Variants in CNTN5 observed in about 807,000 individuals in gnomAD.
The protein encoded by CNTN5 is contactin 5, also known as contactin-5.
A neutral mutation model predicts 129.1 loss-of-function variants in CNTN5; 77 were observed. The ratio of observed to expected loss-of-function variants is 0.60; its 90% CI spans 0.50 to 0.72. The LOEUF (loss-of-function observed/expected upper bound fraction) is 0.72. Among genes scored for constraint, CNTN5 ranks in the 30% least tolerant of loss-of-function variants. CNTN5 has a pLI of 0.00. For synonymous variants in CNTN5, 509 were observed against 465.6 expected (o/e 1.09, Z -1.20); for missense variants, 1,478 against 1,328.8 (o/e 1.11, Z -1.75).
intron 2 of CNTN5, among the ~76,000 whole-genome samples, chr11:99,455,718 G>A (rs1044925107): frequency 1.3e-5 from 2 of 152,036 alleles, no homozygotes; most frequent in Non-Finnish European, 2.9e-5. Flanking sequence ...GGAATTGTAT[G>A]AGAATGGGGA....
At chr11:100,353,385 T>G (rs1236486337) in intron 24 of CNTN5, among the ~76,000 whole-genome samples, 1 of 151,656 alleles carries the variant, frequency 6.6e-6, no homozygotes, top group Non-Finnish European at 1.5e-5. Flanking sequence ...GGCAAGAACT[T>G]AGTCTAATGT....
At chr11:99,585,003 C>A (rs1363593454) in intron 3 of CNTN5, among the ~76,000 whole-genome samples, 1 of 152,194 alleles carries the variant, frequency 6.6e-6, no homozygotes, top group African/African-American at 2.4e-5. Context: ...TTGTATCCAA[C>A]TTCATGAGCT....
intron 3 of CNTN5, among the ~76,000 whole-genome samples, chr11:99,696,625 C>CT (rs530528826): frequency 0.028 from 4,021 of 142,004 alleles, 150 homozygotes; most frequent in African/African-American, 0.091. Context: ...AGTAGTCATT[C>CT]TTTTTTTTTT....
At chr11:99,982,030 G>A (rs548403286) in intron 8 of CNTN5, among the ~76,000 whole-genome samples, 1 of 152,318 alleles carries the variant, frequency 6.6e-6, no homozygotes, top group Non-Finnish European at 1.5e-5. Flanking sequence ...ATTATATACA[G>A]CTAAACATAA....
At chr11:99,107,203 A>G (rs1193267949) in intron 1 of CNTN5, among the ~76,000 whole-genome samples, 1 of 152,178 alleles carries the variant, frequency 6.6e-6, no homozygotes, top group Admixed American at 6.5e-5. Context: ...TAGAAGAGAA[A>G]TATGTTACAA....
intron 6 of CNTN5, among the ~76,000 whole-genome samples, chr11:99,872,456 G>A (rs1948527494): frequency 1.3e-5 from 2 of 152,128 alleles, no homozygotes; most frequent in Admixed American, 1.3e-4. Context: ...AAACACCTAT[G>A]TGGAAGGAAG....
chr11:100,328,703 A>G (rs1248010135), intron 21 of CNTN5, among the ~76,000 whole-genome samples: 3 of 152,174 alleles, frequency 2.0e-5, no homozygotes, highest in Non-Finnish European at 4.4e-5. Flanking sequence ...CAAATTGGGG[A>G]TTACAATTTG....
At position 99,733,651 on chromosome 11, in the gene CNTN5, TA is replaced by T. The variant is rs1260452947; in HGVS notation, c.56-85892del. ...TTGTTTTTAAAGATGCAAGGTGCTG[TA>T]GTTGTATTGAACCTGTGAGAATCAA... On this transcript the variant is annotated intron_variant, in intron 3 of 24. Coordinates refer to ENST00000524871, the MANE Select transcript of CNTN5 (RefSeq NM_014361.4). Among the ~76,000 whole-genome samples, 5 of 152,262 alleles carry T rather than the reference TA, an allele frequency of 3.3e-5. No individual in the cohort carries two copies. In the East Asian group the frequency reaches 7.7e-4, roughly 24 times the overall value.
At chr11:99,908,933 C>A (rs17618101) in intron 6 of CNTN5, among the ~76,000 whole-genome samples, 34,084 of 151,940 alleles carry the variant, frequency 0.22, 4,129 homozygotes, top group African/African-American at 0.31. Context: ...GTGAAAATGG[C>A]AAGCCATAGC....
chr11:99,444,095 G>A (rs1943955204), intron 2 of CNTN5, among the ~76,000 whole-genome samples: 1 of 151,936 alleles, frequency 6.6e-6, no homozygotes, highest in Non-Finnish European at 1.5e-5. Context: ...CTCTTCGGGA[G>A]GGTTGAGGTA....
intron 1 of CNTN5, among the ~76,000 whole-genome samples, chr11:99,210,178 T>G (rs1016931714): frequency 1.3e-5 from 2 of 152,190 alleles, no homozygotes; most frequent in African/African-American, 4.8e-5. Context: ...GATATCATTC[T>G]GGAAATAATC....
chr11:99,793,430 G>T (rs1450325116), intron 3 of CNTN5, among the ~76,000 whole-genome samples: 2 of 151,966 alleles, frequency 1.3e-5, no homozygotes, highest in African/African-American at 4.8e-5. Context: ...TCACATCTCA[G>T]TGTCCTTCAT....
At chr11:99,042,365 C>CTTTTTTTTTTTTTTTTT (rs1210153589) in intron 1 of CNTN5, among the ~76,000 whole-genome samples, 1 of 83,790 alleles carries the variant, frequency 1.2e-5, no homozygotes, top group Non-Finnish European at 2.2e-5. Context: ...TCTTCTTCTT[C>CTTTTTTTTTTTTTTTTT]TTTTTTTTTT....
At chr11:99,812,175 A>G (rs1035484238) in intron 3 of CNTN5, among the ~76,000 whole-genome samples, 3 of 152,156 alleles carry the variant, frequency 2.0e-5, no homozygotes, top group Non-Finnish European at 2.9e-5. Context: ...AATCACAAGA[A>G]TATATACTTG....
intron 2 of CNTN5, among the ~76,000 whole-genome samples, chr11:99,359,882 T>C (rs1219928379): frequency 1.3e-5 from 2 of 151,992 alleles, no homozygotes; most frequent in African/African-American, 4.8e-5. Context: ...AAACCAAGTA[T>C]ATATGAAAAA....
intron 2 of CNTN5, among the ~76,000 whole-genome samples, chr11:99,533,926 T>G (rs1216026091): frequency 6.6e-6 from 1 of 152,166 alleles, no homozygotes; most frequent in East Asian, 1.9e-4. Context: ...GGGTTTGGTT[T>G]AGAGGAGATT....
chr11:99,784,795 GTTT>G (rs55715264), intron 3 of CNTN5, among the ~76,000 whole-genome samples: 262 of 93,916 alleles, frequency 2.8e-3, no homozygotes, highest in Middle Eastern at 0.018. Context: ...ATCTCATTGT[GTTT>G]TTTTTTTTTT....
At chr11:99,965,978 C>T (rs1044411604) in intron 8 of CNTN5, among the ~76,000 whole-genome samples, 12 of 152,156 alleles carry the variant, frequency 7.9e-5, no homozygotes, top group East Asian at 5.8e-4. Flanking sequence ...TATTGCACCA[C>T]GGTCAGCTGA....
intron 1 of CNTN5, among the ~76,000 whole-genome samples, chr11:99,305,199 A>G (rs772293524): frequency 1.1e-4 from 16 of 152,166 alleles, no homozygotes; most frequent in Admixed American, 2.0e-4. Context: ...ACACTGCCTT[A>G]ATAAGGGCTT....
Sources: allele counts gnomAD v4.1 joint callset (sites outside exome capture counted in the v4.1 genomes callset), GRCh38; gene constraint gnomAD v4.1.1; transcripts MANE v1.5; gene names NCBI Gene and HGNC (gene_info 2026-07-23, HGNC 2026-07-21).